SAMD4A: variants seen among roughly 807,000 people sequenced by gnomAD.
SAMD4A encodes the protein sterile alpha motif domain containing 4A, also known as protein Smaug homolog 1.
SAMD4A carries 33 observed loss-of-function variants against 81.3 expected under a neutral mutation model. The observed-to-expected ratio is 0.41, with a 90% CI of 0.31 to 0.54. SAMD4A has a LOEUF of 0.54. SAMD4A is among the 20% of genes least tolerant of loss of function. SAMD4A has a pLI of 0.37. For missense variants in SAMD4A, 854 were observed against 951.1 expected (o/e 0.90, Z 1.34); for synonymous variants, 389 against 382.1 (o/e 1.02, Z -0.21).
At position 54,587,817 on chromosome 14, in the gene SAMD4A, A is replaced by G. The variant is rs533932334; in HGVS notation, c.196+19705A>G. On this transcript the variant is annotated intron_variant, in intron 2 of 12. Coordinates refer to ENST00000554335, the MANE Select transcript of SAMD4A (RefSeq NM_015589.6). ...TATTTTGTTGAGGATTTTTGCGTCT[A>G]TGTTCATCAGGGATATTGGTCTGTA... Among the ~76,000 whole-genome samples, 204 of 152,198 alleles carry G rather than the reference A, an allele frequency of 1.3e-3. 1 individual carries two copies. Among genetic ancestry groups the G allele is most frequent in the African/African-American group, 4.6e-3 (189 of 41,536 alleles).
intron 9 of SAMD4A, among the ~76,000 whole-genome samples, chr14:54,771,337 T>C (rs563021213): frequency 8.1e-4 from 124 of 152,346 alleles, no homozygotes; most frequent in African/African-American, 2.9e-3. Context: ...AGAGCTGCTG[T>C]TGTTAACCCC....
intron 2 of SAMD4A, among the ~76,000 whole-genome samples, chr14:54,601,583 A>G (rs949320998): frequency 6.6e-6 from 1 of 152,154 alleles, no homozygotes; most frequent in Non-Finnish European, 1.5e-5. Flanking sequence ...CTATTGTACA[A>G]ATATTTTTAT....
chr14:54,582,923 T>C (rs950688620), intron 2 of SAMD4A, among the ~76,000 whole-genome samples: 2 of 152,178 alleles, frequency 1.3e-5, no homozygotes, highest in African/African-American at 4.8e-5. Flanking sequence ...GCTGCTAATT[T>C]AACTTTTGTA....
intron 8 of SAMD4A, among the ~76,000 whole-genome samples, chr14:54,767,509 G>A (rs2038582344): frequency 2.0e-5 from 3 of 152,230 alleles, no homozygotes; most frequent in South Asian, 2.1e-4. Context: ...GTGGCTCTGA[G>A]AAGATGAGCT....
chr14:54,609,111 G>A (rs2034292182), intron 2 of SAMD4A, among the ~76,000 whole-genome samples: 1 of 152,222 alleles, frequency 6.6e-6, no homozygotes, highest in Admixed American at 6.5e-5. Context: ...GATTTAGGTT[G>A]CAGATGAAAT....
intron 3 of SAMD4A, among the ~76,000 whole-genome samples, chr14:54,709,626 A>G (rs17657012): frequency 0.06 from 9,072 of 152,150 alleles, 369 homozygotes; most frequent in Non-Finnish European, 0.084. Flanking sequence ...TAGTAAGGCC[A>G]CTCAAGGGTA....
chr14:54,688,079 A>G (rs1401599420), intron 2 of SAMD4A: 1 of 985,438 alleles, frequency 1.0e-6, no homozygotes, highest in Non-Finnish European at 1.2e-6. Context: ...TCATTCCATC[A>G]ACTCACAAAT....
chr14:54,744,900 C>T (rs1020813367), intron 4 of SAMD4A, among the ~76,000 whole-genome samples: 1 of 152,328 alleles, frequency 6.6e-6, no homozygotes, highest in African/African-American at 2.4e-5. Flanking sequence ...GCCAGCTGAT[C>T]TCAAATGGAG....
chr14:54,686,971 G>T (rs951896589), intron 2 of SAMD4A, among the ~76,000 whole-genome samples: 4 of 152,116 alleles, frequency 2.6e-5, no homozygotes, highest in African/African-American at 9.7e-5. Context: ...TCCAATCTTT[G>T]TGCTTTCCGG....
At chr14:54,687,250 A>G (rs1404507911) in intron 2 of SAMD4A, 1 of 414,428 alleles carries the variant, frequency 2.4e-6, no homozygotes, top group Admixed American at 3.1e-5. Context: ...AAGAGAAAAG[A>G]TGGATCCTGC....
chr14:54,684,508 C>T (rs561456936), intron 2 of SAMD4A, among the ~76,000 whole-genome samples: 1 of 152,240 alleles, frequency 6.6e-6, no homozygotes, highest in Non-Finnish European at 1.5e-5. Flanking sequence ...CCTCCCATCC[C>T]TGCCCTGCAC....
chr14:54,783,182 G>A (rs1350094952), intron 11 of SAMD4A, among the ~76,000 whole-genome samples: 1 of 151,358 alleles, frequency 6.6e-6, no homozygotes, highest in Non-Finnish European at 1.5e-5. Flanking sequence ...AAACAAAAAG[G>A]ATTTCACAAC....
intron 2 of SAMD4A, among the ~76,000 whole-genome samples, chr14:54,643,489 T>C (rs180969290): frequency 1.3e-5 from 2 of 152,146 alleles, no homozygotes; most frequent in East Asian, 3.9e-4. Flanking sequence ...AGCTAGGAGG[T>C]CTCCTAGGCC....
rs770718376 is a variant in SAMD4A, at chr14:54,784,523, T to C, written c.2045-14T>C. On this transcript the variant is annotated splice_polypyrimidine_tract_variant and intron_variant, in intron 11 of 12. Transcript: ENST00000554335. ...CTCCTCCTTGTCACCAACATAACCC[T>C]TTATCGCCTGCAGAATTCCAGCTTC... 1.2e-6 allele frequency: 2 copies of C among 1,613,962 alleles called. No homozygotes were observed. Among genetic ancestry groups the C allele is most frequent in the African/African-American group, 2.7e-5 (2 of 74,898 alleles).
intron 2 of SAMD4A, among the ~76,000 whole-genome samples, chr14:54,638,957 A>AT (rs1232758261): frequency 7.2e-5 from 11 of 152,024 alleles, no homozygotes; most frequent in African/African-American, 1.7e-4. Flanking sequence ...GGCATTTATT[A>AT]TTTTTTTGAA....
intron 11 of SAMD4A, among the ~76,000 whole-genome samples, chr14:54,782,651 G>A (rs920114819): frequency 6.6e-6 from 1 of 152,220 alleles, no homozygotes; most frequent in African/African-American, 2.4e-5. Context: ...GGGTCAGGAA[G>A]AACACAGTCA....
intron 2 of SAMD4A, among the ~76,000 whole-genome samples, chr14:54,582,034 G>A (rs1172152492): frequency 1.3e-5 from 2 of 152,202 alleles, no homozygotes; most frequent in African/African-American, 4.8e-5. Context: ...AGAATGAGCT[G>A]TGTTAGCACA....
At chr14:54,592,871 G>A (rs972737222) in intron 2 of SAMD4A, among the ~76,000 whole-genome samples, 6 of 152,114 alleles carry the variant, frequency 3.9e-5, no homozygotes, top group East Asian at 1.9e-4. Flanking sequence ...CTTCTAGGCC[G>A]TCATCTTTAT....
chr14:54,647,169 GT>G (rs1490512142), intron 2 of SAMD4A, among the ~76,000 whole-genome samples: 15 of 152,242 alleles, frequency 9.9e-5, no homozygotes, highest in African/African-American at 3.4e-4. Flanking sequence ...AGTTTATCTT[GT>G]TTATAATAAT....
Sources: gnomAD v4.1 joint callset for allele counts (sites outside exome capture counted in the v4.1 genomes callset) on GRCh38, gnomAD v4.1.1 for gene constraint, MANE v1.5 for transcripts, NCBI Gene and HGNC (gene_info 2026-07-23, HGNC 2026-07-21) for gene names.